Variants in TJP2 observed in about 807,000 individuals in gnomAD.
TJP2 encodes the protein tight junction protein 2, also known as Friedreich ataxia region gene X104 (tight junction protein ZO-2).
Under a neutral mutation model 133.1 loss-of-function variants are expected in TJP2, and 91 were observed. That is an observed-to-expected ratio of 0.68 (90% CI 0.58 to 0.81). The LOEUF (loss-of-function observed/expected upper bound fraction) is 0.81, where lower values mean the gene tolerates loss of function less well. Ranked by LOEUF, TJP2 falls within the 40% of genes least tolerant of loss-of-function variation. TJP2 has a pLI of 0.00. For synonymous variants in TJP2, 592 were observed against 583.4 expected (o/e 1.01, Z -0.21); for missense variants, 1,541 against 1,565.6 (o/e 0.98, Z 0.26).
intron 1 of TJP2, among the ~76,000 whole-genome samples, chr9:69,196,575 C>A (rs1826573420): frequency 6.6e-6 from 1 of 151,332 alleles, no homozygotes; most frequent in Non-Finnish European, 1.5e-5. Flanking sequence ...TCCACACTTT[C>A]TGACTACAGA....
intron 4 of TJP2, among the ~76,000 whole-genome samples, chr9:69,219,165 C>G (rs566141970): frequency 6.6e-6 from 1 of 152,166 alleles, no homozygotes; most frequent in African/African-American, 2.4e-5. Flanking sequence ...GACGGGGTTT[C>G]ACCATGTTGG....
chr9:69,135,885 C>T (rs1485376553), intron 1 of TJP2, among the ~76,000 whole-genome samples: 2 of 152,142 alleles, frequency 1.3e-5, no homozygotes, highest in Non-Finnish European at 2.9e-5. Flanking sequence ...AGATTACAGG[C>T]GTGAGTCACC....
At position 69,240,112 on chromosome 9, in the gene TJP2, A is replaced by G. The variant is rs1830482328; in HGVS notation, c.2531A>G (p.Asn844Ser). The G allele has an allele frequency of 6.2e-7, 1 of 1,614,052 alleles. No homozygotes were observed. Among genetic ancestry groups the G allele is most frequent in the Non-Finnish European group, 8.5e-7 (1 of 1,180,034 alleles). ...KSSRKLFDQA[N>S]KLKKTCAHLF... Reference sequence around the variant, plus strand: ...TCTCGAAAGTTATTTGATCAAGCCAACAAGCTTAAAAAAACGTGTGCACAC... The same window carrying G: ...TCTCGAAAGTTATTTGATCAAGCCAGCAAGCTTAAAAAAACGTGTGCACAC... The change falls in exon 17 of 23, where the codon AAC becomes AGC. Residue 844 changes from asparagine to serine, a missense_variant. Asn to Ser is a conservative substitution (Grantham distance 46). Transcript: ENST00000377245.
At chr9:69,151,579 A>C in intron 1 of TJP2, 1 of 1,230,114 alleles carries the variant, frequency 8.1e-7, no homozygotes, top group Non-Finnish European at 1.0e-6. Context: ...TGTGGACTTC[A>C]GTGCATTTCC....
intron 2 of TJP2, among the ~76,000 whole-genome samples, chr9:69,215,557 TC>T (rs1828303407): frequency 6.6e-6 from 1 of 152,144 alleles, no homozygotes; most frequent in African/African-American, 2.4e-5. Flanking sequence ...GCTATTTTTT[TC>T]TATTTCTAGT....
At chr9:69,154,611 C>T (rs942003317) in intron 2 of TJP2, among the ~76,000 whole-genome samples, 3 of 150,234 alleles carry the variant, frequency 2.0e-5, no homozygotes, top group African/African-American at 7.3e-5. Context: ...CGACATAGAC[C>T]GACCCTGTCT....
At position 69,165,691 on chromosome 9, in the gene TJP2, A is replaced by G. The variant is rs558902416; in HGVS notation, c.-10+13920A>G. Among the ~76,000 whole-genome samples, 237 of 152,274 alleles carry G rather than the reference A, an allele frequency of 1.6e-3. 1 individual carries two copies. The highest frequency in any genetic ancestry group is 5.5e-3 in the African/African-American group (229 of 41,566). On this transcript the variant is annotated intron_variant, in intron 2 of 5. Transcript: ENST00000423935. ...CCCGAAAAGAGAGTGTGGCTTTCATATATTCTGCAGTGTAAACAGCAGTAA... is the reference window on the plus strand; with the variant it reads ...CCCGAAAAGAGAGTGTGGCTTTCATGTATTCTGCAGTGTAAACAGCAGTAA...
intron 1 of TJP2, among the ~76,000 whole-genome samples, chr9:69,178,596 A>G (rs977110023): frequency 5.3e-4 from 80 of 152,322 alleles, no homozygotes; most frequent in African/African-American, 1.8e-3. Flanking sequence ...TAGCCAGGAA[A>G]GTTGAATTTG....
chr9:69,232,315 A>G (rs1457964232), intron 11 of TJP2, among the ~76,000 whole-genome samples: 5 of 152,216 alleles, frequency 3.3e-5, no homozygotes, highest in African/African-American at 1.2e-4. Context: ...TTTGCCTACG[A>G]GGGCGGAGAA....
At chr9:69,231,355 C>T (rs1303396853) in intron 11 of TJP2, among the ~76,000 whole-genome samples, 1 of 152,162 alleles carries the variant, frequency 6.6e-6, no homozygotes, top group African/African-American at 2.4e-5. Flanking sequence ...GCCTTGGCCT[C>T]CCAAAGTGCT....
At chr9:69,160,371 G>A (rs1178899389) in intron 2 of TJP2, among the ~76,000 whole-genome samples, 1 of 152,214 alleles carries the variant, frequency 6.6e-6, no homozygotes, top group Non-Finnish European at 1.5e-5. Context: ...TTTCACTCTT[G>A]TGTTTAACCT....
intron 16 of TJP2, among the ~76,000 whole-genome samples, chr9:69,239,694 A>G (rs1483889669): frequency 6.6e-6 from 1 of 151,852 alleles, no homozygotes; most frequent in Non-Finnish European, 1.5e-5. Context: ...GGCACCTGTA[A>G]TCCCAGCTAC....
chr9:69,195,484 C>A (rs1826490666), intron 1 of TJP2, among the ~76,000 whole-genome samples: 1 of 151,760 alleles, frequency 6.6e-6, no homozygotes. Context: ...CAAATTGTGA[C>A]CAGGCACCTG....
intron 3 of TJP2, 151 bp downstream of exon 3, chr9:69,216,614 G>A (rs975147971): frequency 2.1e-5 from 19 of 885,562 alleles, no homozygotes; most frequent in Non-Finnish European, 1.7e-5. Context: ...TGGAATGGAA[G>A]CCATAACACA....
chr9:69,254,016 A>G, intron 22 of TJP2, 193 bp from the exon 23 acceptor site: 1 of 664,704 alleles, frequency 1.5e-6, no homozygotes, highest in Non-Finnish European at 2.7e-6. Flanking sequence ...CTCACCGCCG[A>G]AGTGGGCATT....
chr9:69,193,896 C>T (rs570467421), intron 1 of TJP2, among the ~76,000 whole-genome samples: 6 of 151,982 alleles, frequency 3.9e-5, no homozygotes, highest in African/African-American at 1.4e-4. Flanking sequence ...TGTTGATTTC[C>T]ATTAGGTGCA....
intron 12 of TJP2, 111 bp downstream of exon 12, chr9:69,234,658 T>C: frequency 1.3e-6 from 1 of 778,270 alleles, no homozygotes; most frequent in Non-Finnish European, 2.1e-6. Context: ...AAAATTGAGA[T>C]GGATCTCAAC....
At chr9:69,213,464 G>A (rs373479240) in intron 2 of TJP2, among the ~76,000 whole-genome samples, 2 of 152,122 alleles carry the variant, frequency 1.3e-5, no homozygotes, top group South Asian at 2.1e-4. Context: ...TTCCTCCAAG[G>A]TCTGACATCT....
chr9:69,134,639 C>T (rs941019597), intron 1 of TJP2, among the ~76,000 whole-genome samples: 2 of 152,244 alleles, frequency 1.3e-5, no homozygotes, highest in Middle Eastern at 3.4e-3. Context: ...AAACTGGGTT[C>T]GAGGAACCCA....
Sources: gnomAD v4.1 joint callset for allele counts (sites outside exome capture counted in the v4.1 genomes callset) on GRCh38, gnomAD v4.1.1 for gene constraint, MANE v1.5 for transcripts, NCBI Gene and HGNC (gene_info 2026-07-23, HGNC 2026-07-21) for gene names.